DNAAF6: variants seen among roughly 807,000 people sequenced by gnomAD.
The protein encoded by DNAAF6 is PIH1 domain containing 3.
DNAAF6 carries 3 observed loss-of-function variants against 13.7 expected under a neutral mutation model. The ratio of observed to expected loss-of-function variants is 0.22; its 90% confidence interval spans 0.10 to 0.56. The LOEUF (loss-of-function observed/expected upper bound fraction) is 0.56. DNAAF6 is among the 20% of genes least tolerant of loss of function. DNAAF6 has a pLI of 0.92. For missense variants in DNAAF6, 130 were observed against 151.0 expected (o/e 0.86, Z 0.73); for synonymous variants, 54 against 49.2 (o/e 1.10, Z -0.41).
At chrX:107,216,444 A>G (rs1189516207) in intron 2 of DNAAF6, among the ~76,000 whole-genome samples, 3 of 111,909 alleles carry the variant, frequency 2.7e-5, no homozygotes, top group South Asian at 3.8e-4. Context: ...CTAAAGATCA[A>G]TTCTGCTCTT....
chrX:107,213,986 A>G (rs754362989), intron 2 of DNAAF6, among the ~76,000 whole-genome samples: 1 of 111,977 alleles, frequency 8.9e-6, no homozygotes, highest in East Asian at 2.8e-4. Flanking sequence ...ACAGGCAGCA[A>G]ATTCAGTGGC....
At chrX:107,235,756 G>A (rs1928498524) in intron 5 of DNAAF6, among the ~76,000 whole-genome samples, 1 of 107,055 alleles carries the variant, frequency 9.3e-6, no homozygotes, top group Non-Finnish European at 1.9e-5. Context: ...CATAATAAAT[G>A]TTTATTGTTG....
At chrX:107,210,111 C>T (rs187941943) in intron 1 of DNAAF6, among the ~76,000 whole-genome samples, 89 of 111,140 alleles carry the variant, frequency 8.0e-4, no homozygotes, top group African/African-American at 2.8e-3. Flanking sequence ...AATCATGCCT[C>T]TATTTATGAA....
At chrX:107,220,935 CTTTCTT>C (rs1569372987) in intron 4 of DNAAF6, among the ~76,000 whole-genome samples, 3 of 81,478 alleles carry the variant, frequency 3.7e-5, no homozygotes, top group African/African-American at 1.6e-4. Flanking sequence ...TTCTTTCTTT[CTTTCTT>C]TCTTTCTTTC....
chrX:107,207,183 G>A (rs1163026590), intron 1 of DNAAF6: 1 of 111,437 alleles, frequency 9.0e-6, no homozygotes, highest in Non-Finnish European at 1.9e-5. Flanking sequence ...CCTTGGTTAG[G>A]AAATGTTTTG....
At chrX:107,218,561 C>T (rs1321396804) in intron 3 of DNAAF6, among the ~76,000 whole-genome samples, 1 of 110,373 alleles carries the variant, frequency 9.1e-6, no homozygotes, top group Non-Finnish European at 1.9e-5. Context: ...GAATGATACA[C>T]AACAGAATAC....
At chrX:107,226,002 A>T (rs1928248147) in intron 5 of DNAAF6, among the ~76,000 whole-genome samples, 1 of 111,852 alleles carries the variant, frequency 8.9e-6, no homozygotes, top group African/African-American at 3.2e-5. Flanking sequence ...AAATTCTATG[A>T]GTAAGCCCAG....
At chrX:107,233,634 G>GTT (rs1324723736) in intron 5 of DNAAF6, among the ~76,000 whole-genome samples, 1 of 106,237 alleles carries the variant, frequency 9.4e-6, no homozygotes, top group South Asian at 4.2e-4. Context: ...GAGGACATGA[G>GTT]TTTTTTTTTT....
intron 5 of DNAAF6, among the ~76,000 whole-genome samples, chrX:107,232,876 G>A (rs746909912): frequency 1.8e-5 from 2 of 110,299 alleles, no homozygotes; most frequent in South Asian, 7.9e-4. Flanking sequence ...CCAAGCAAAT[G>A]GGAGTACAGG....
intron 4 of DNAAF6, among the ~76,000 whole-genome samples, chrX:107,221,252 G>A (rs773815647): frequency 1.6e-4 from 17 of 108,849 alleles, no homozygotes; most frequent in Non-Finnish European, 3.2e-4. Context: ...TGGGATTACA[G>A]GCCTGAGCCA....
intron 1 of DNAAF6, among the ~76,000 whole-genome samples, chrX:107,211,934 T>A (rs1226728363): frequency 1.8e-5 from 2 of 112,157 alleles, no homozygotes; most frequent in African/African-American, 3.2e-5. Flanking sequence ...TTTTGAGCAT[T>A]GATAGCATAA....
chrX:107,239,341 G>T (rs986503822), intron 6 of DNAAF6, among the ~76,000 whole-genome samples: 5 of 111,865 alleles, frequency 4.5e-5, no homozygotes, highest in African/African-American at 1.6e-4. Flanking sequence ...TTTGTACATT[G>T]ATTACATAAG....
intron 5 of DNAAF6, among the ~76,000 whole-genome samples, chrX:107,224,025 A>G (rs1251113407): frequency 9.0e-6 from 1 of 111,507 alleles, no homozygotes; most frequent in Non-Finnish European, 1.9e-5. Context: ...AGTTTATCTC[A>G]TGCAAAAATT....
chrX:107,232,597 A>G (rs964386668), intron 5 of DNAAF6, among the ~76,000 whole-genome samples: 1 of 111,836 alleles, frequency 8.9e-6, no homozygotes, highest in African/African-American at 3.3e-5. Context: ...AAGGAGGAGG[A>G]AGTGATAGGG....
chrX:107,208,443 A>C (rs1284940019), intron 1 of DNAAF6, among the ~76,000 whole-genome samples: 1 of 111,104 alleles, frequency 9.0e-6, no homozygotes, highest in Admixed American at 9.5e-5. Flanking sequence ...AAACAAAAAA[A>C]CAAAAAAACC....
intron 5 of DNAAF6, among the ~76,000 whole-genome samples, chrX:107,236,851 G>T (rs936257479): frequency 8.9e-6 from 1 of 111,887 alleles, no homozygotes; most frequent in Admixed American, 9.6e-5. Context: ...TGACGTTAAA[G>T]ATCTCAATTT....
chrX:107,236,828 A>G (rs907862135), intron 5 of DNAAF6, among the ~76,000 whole-genome samples: 14 of 112,036 alleles, frequency 1.2e-4, no homozygotes, highest in African/African-American at 4.5e-4. Flanking sequence ...TTGAGGTGAC[A>G]TGAGTTAACA....
intron 5 of DNAAF6, among the ~76,000 whole-genome samples, chrX:107,223,280 T>C (rs988119735): frequency 5.4e-5 from 6 of 111,657 alleles, no homozygotes; most frequent in African/African-American, 1.9e-4. Context: ...TGACTCAGCT[T>C]ACAATGTGGG....
chrX:107,229,930 G>T (rs897320853), intron 5 of DNAAF6, among the ~76,000 whole-genome samples: 2 of 110,369 alleles, frequency 1.8e-5, no homozygotes, highest in Non-Finnish European at 1.9e-5. Context: ...CTCGTGATCC[G>T]CCCGCCTCGG....
Sources: gnomAD v4.1 joint callset for allele counts (sites outside exome capture counted in the v4.1 genomes callset) on GRCh38, gnomAD v4.1.1 for gene constraint, MANE v1.5 for transcripts, NCBI Gene and HGNC (gene_info 2026-07-23, HGNC 2026-07-21) for gene names.